SUPT3H: variants seen among roughly 807,000 people sequenced by gnomAD.
The protein encoded by SUPT3H is SPT3 homolog, SAGA and STAGA complex component.
In SUPT3H, 44 loss-of-function variants were observed where a neutral mutation model predicts 44.3. The observed-to-expected ratio is 0.99, with a 90% CI of 0.78 to 1.28. SUPT3H has a LOEUF of 1.28. Ranked by LOEUF, SUPT3H falls within the 50% of genes most tolerant of loss-of-function variation. The pLI, the probability that SUPT3H is intolerant of heterozygous loss-of-function variation, is 0.00. For missense variants in SUPT3H, 380 were observed against 387.1 expected (o/e 0.98, Z 0.15); for synonymous variants, 124 against 125.6 (o/e 0.99, Z 0.09).
chr6:45,172,171 C>G (rs939210468), intron 2 of SUPT3H, among the ~76,000 whole-genome samples: 1 of 151,202 alleles, frequency 6.6e-6, no homozygotes, highest in East Asian at 2.0e-4. Flanking sequence ...CTCCTGGGTT[C>G]AAGCGATTCT....
At chr6:45,345,891 A>G (rs751245351) in intron 2 of SUPT3H, among the ~76,000 whole-genome samples, 3 of 152,114 alleles carry the variant, frequency 2.0e-5, no homozygotes, top group African/African-American at 4.8e-5. Flanking sequence ...GTTTCTCTCT[A>G]GACACAGTAA....
intron 6 of SUPT3H, among the ~76,000 whole-genome samples, chr6:44,971,283 A>G (rs1777533036): frequency 6.6e-6 from 1 of 152,114 alleles, no homozygotes; most frequent in South Asian, 2.1e-4. Flanking sequence ...AGTCCAAGCC[A>G]CCATCATCAA....
chr6:44,967,894 A>G (rs1176123463), intron 6 of SUPT3H, among the ~76,000 whole-genome samples: 2 of 152,032 alleles, frequency 1.3e-5, no homozygotes, highest in Non-Finnish European at 2.9e-5. Context: ...AGTTTAAGTG[A>G]GCCTCCTGCC....
At position 44,961,827 on chromosome 6, in the gene SUPT3H, C is replaced by T. The variant is rs1043892096; in HGVS notation, c.506G>A (p.Arg169Lys). ...IDEVKQERMERAERQTRIMDS... is the reference protein window; with the variant it reads ...IDEVKQERMEKAERQTRIMDS... Reference sequence around the variant, plus strand: ...CATAATTCGAGTTTGTCTTTCTGCTCTCTAAAAGATAAAAATACATAACAT... The same window carrying T: ...CATAATTCGAGTTTGTCTTTCTGCTTTCTAAAAGATAAAAATACATAACAT... Residue 169 changes from arginine (R) to lysine (K), a missense_variant and splice_region_variant, in exon 7 of 11, where the codon AGA (arginine) becomes AAA (lysine). Physicochemically the swap from Arg to Lys is conservative, Grantham distance 26. Transcript: ENST00000371459. 1 of 1,601,024 alleles carries T rather than the reference C, an allele frequency of 6.2e-7. No homozygotes were observed.
intron 2 of SUPT3H, among the ~76,000 whole-genome samples, chr6:45,141,597 G>GAAGA (rs749724055): frequency 6.6e-6 from 1 of 151,754 alleles, no homozygotes; most frequent in Non-Finnish European, 1.5e-5. Context: ...AGAACAAGTA[G>GAAGA]AAGAAAGAAC....
chr6:45,216,386 G>A (rs1293808005), intron 2 of SUPT3H, among the ~76,000 whole-genome samples: 2 of 152,004 alleles, frequency 1.3e-5, no homozygotes, highest in Non-Finnish European at 2.9e-5. Context: ...ATAAAGGAAC[G>A]AAGTATATAT....
intron 3 of SUPT3H, among the ~76,000 whole-genome samples, chr6:45,104,326 A>G (rs1375328317): frequency 6.6e-6 from 1 of 152,126 alleles, no homozygotes; most frequent in African/African-American, 2.4e-5. Flanking sequence ...TGGTGTCCTT[A>G]TAAGACAGGA....
At chr6:45,043,497 G>T (rs1289988617) in intron 3 of SUPT3H, among the ~76,000 whole-genome samples, 1 of 152,026 alleles carries the variant, frequency 6.6e-6, no homozygotes, top group Non-Finnish European at 1.5e-5. Context: ...TTCCCACAGG[G>T]AGCAATGATG....
At chr6:44,883,941 C>T (rs534511541) in intron 10 of SUPT3H, among the ~76,000 whole-genome samples, 1 of 151,238 alleles carries the variant, frequency 6.6e-6, no homozygotes, top group South Asian at 2.1e-4. Flanking sequence ...AGGCAATACC[C>T]ATAAGCATGG....
chr6:44,867,392 C>T (rs967352468), intron 10 of SUPT3H, among the ~76,000 whole-genome samples: 5 of 152,006 alleles, frequency 3.3e-5, no homozygotes, highest in Admixed American at 6.6e-5. Context: ...CCTCCCGCCT[C>T]GGCCTCCCAC....
intron 10 of SUPT3H, among the ~76,000 whole-genome samples, chr6:44,835,641 T>C (rs1349814576): frequency 6.6e-6 from 1 of 152,130 alleles, no homozygotes; most frequent in Non-Finnish European, 1.5e-5. Context: ...AAATGTCTGG[T>C]TTATTGGAAT....
chr6:45,259,655 C>T (rs1444161795), intron 2 of SUPT3H, among the ~76,000 whole-genome samples: 1 of 152,068 alleles, frequency 6.6e-6, no homozygotes, highest in African/African-American at 2.4e-5. Context: ...GGAAATGTGC[C>T]CATTCTAGTA....
chr6:44,920,504 G>T (rs1768519434), intron 10 of SUPT3H, among the ~76,000 whole-genome samples: 1 of 149,808 alleles, frequency 6.7e-6, no homozygotes, highest in Non-Finnish European at 1.5e-5. Context: ...GGAGGCTGCA[G>T]TGAGCTATTA....
chr6:44,904,341 C>G (rs913111979), intron 10 of SUPT3H, among the ~76,000 whole-genome samples: 6 of 152,056 alleles, frequency 3.9e-5, no homozygotes, highest in Non-Finnish European at 8.8e-5. Flanking sequence ...CAAAATCAAC[C>G]TGCAAAAATC....
In SUPT3H at chr6:45,023,736, AAC is replaced by A. The variant is rs1211848993; in HGVS notation, c.187-3106_187-3105del. Among the ~76,000 whole-genome samples, 3 of 10,224 alleles carry A rather than the reference AAC, an allele frequency of 2.9e-4. No individual in the cohort carries two copies. The African/African-American group carries it at 4.2e-3, about 14-fold the overall frequency. 6.7% of individuals were successfully genotyped at this position (10,224 alleles called of 152,430 possible). Reference sequence around the variant, plus strand: ...GAGCACTTATGAACACAAAAAAGGAAACATAGACACTGGGGCCTACTTGAAGG... The same window carrying A: ...GAGCACTTATGAACACAAAAAAGGAAATAGACACTGGGGCCTACTTGAAGG... On this transcript the variant is annotated intron_variant, in intron 3 of 10. Transcript: ENST00000371459.
chr6:45,149,100 A>G (rs897178434), intron 2 of SUPT3H, among the ~76,000 whole-genome samples: 1 of 152,212 alleles, frequency 6.6e-6, no homozygotes, highest in Admixed American at 6.6e-5. Flanking sequence ...ATTAATATAC[A>G]GTAGTTGTAA....
At chr6:44,834,983 C>G (rs1259726537) in intron 10 of SUPT3H, among the ~76,000 whole-genome samples, 1 of 152,124 alleles carries the variant, frequency 6.6e-6, no homozygotes, top group African/African-American at 2.4e-5. Flanking sequence ...TTGGGCTTTT[C>G]TGCTTTATGA....
At chr6:44,986,752 C>G (rs529227166) in intron 6 of SUPT3H, among the ~76,000 whole-genome samples, 2 of 152,200 alleles carry the variant, frequency 1.3e-5, no homozygotes, top group Admixed American at 1.3e-4. Flanking sequence ...TATTATTACA[C>G]TCTGTTCAGG....
chr6:44,889,638 A>T (rs1373672918), intron 10 of SUPT3H, among the ~76,000 whole-genome samples: 2 of 152,220 alleles, frequency 1.3e-5, no homozygotes, highest in Non-Finnish European at 2.9e-5. Context: ...CTTAAACGTT[A>T]GACCTAAAAC....
Sources: allele counts gnomAD v4.1 joint callset (sites outside exome capture counted in the v4.1 genomes callset), GRCh38; gene constraint gnomAD v4.1.1; transcripts MANE v1.5; gene names NCBI Gene and HGNC (gene_info 2026-07-23, HGNC 2026-07-21).